The following PDZD2 variants were observed in gnomAD, a reference collection of about 807,000 sequenced individuals.
The protein encoded by PDZD2 is PDZ domain-containing protein 2.
In PDZD2, 90 loss-of-function variants were observed where a neutral mutation model predicts 220.7. The ratio of observed to expected loss-of-function variants is 0.41; its 90% CI spans 0.34 to 0.49. The LOEUF (loss-of-function observed/expected upper bound fraction) is 0.49. Among genes scored for constraint, PDZD2 ranks in the 20% least tolerant of loss-of-function variants. The pLI is 0.28. For synonymous variants in PDZD2, 1,375 were observed against 1,450.5 expected (o/e 0.95, Z 1.18); for missense variants, 3,174 against 3,608.5 (o/e 0.88, Z 3.08).
chr5:31,806,026 G>A (rs554257260), intron 2 of PDZD2, among the ~76,000 whole-genome samples: 53 of 152,236 alleles, frequency 3.5e-4, no homozygotes, highest in African/African-American at 1.1e-3. Context: ...CTCTAAAACC[G>A]TGACACAGTA....
At chr5:32,097,241 C>T in intron 21 of PDZD2, 38 bp from the exon 22 acceptor site, 1 of 1,336,852 alleles carries the variant, frequency 7.5e-7, no homozygotes, top group African/African-American at 1.4e-5. Flanking sequence ...TTTTTTGCAG[C>T]TGTAGCTCAA....
intron 1 of PDZD2, among the ~76,000 whole-genome samples, chr5:31,798,201 G>A (rs1191996529): frequency 2.0e-5 from 3 of 152,182 alleles, no homozygotes; most frequent in African/African-American, 7.2e-5. Flanking sequence ...CCAGGCATTT[G>A]GAGAAACATT....
chr5:32,052,481 A>T, intron 8 of PDZD2, 130 bp from the exon 9 acceptor site: 1 of 871,774 alleles, frequency 1.1e-6, no homozygotes, highest in Non-Finnish European at 1.9e-6. Context: ...TTTTTAAGTC[A>T]CTGAACCAGA....
At chr5:31,921,929 A>T (rs1187192016) in intron 2 of PDZD2, among the ~76,000 whole-genome samples, 4 of 152,192 alleles carry the variant, frequency 2.6e-5, no homozygotes, top group African/African-American at 9.7e-5. Flanking sequence ...GAAGTTCCAC[A>T]CTTTGGCTGT....
intron 1 of PDZD2, among the ~76,000 whole-genome samples, chr5:31,793,767 A>T (rs558496281): frequency 6.6e-6 from 1 of 152,234 alleles, no homozygotes; most frequent in Non-Finnish European, 1.5e-5. Flanking sequence ...AGATCGCGCC[A>T]TTGCACTCCA....
intron 7 of PDZD2, among the ~76,000 whole-genome samples, chr5:32,042,407 CAA>C (rs546222216): frequency 2.1e-4 from 20 of 95,402 alleles, no homozygotes; most frequent in Admixed American, 2.3e-4. Flanking sequence ...ACTAAAAATA[CAA>C]AAAAAAAAAA....
At chr5:31,942,809 G>A (rs1028180830) in intron 2 of PDZD2, among the ~76,000 whole-genome samples, 2 of 152,192 alleles carry the variant, frequency 1.3e-5, no homozygotes, top group Non-Finnish European at 2.9e-5. Flanking sequence ...CCCCAAGGTT[G>A]ATGTGCTCAG....
chr5:31,821,387 AT>A (rs11388695), intron 2 of PDZD2, among the ~76,000 whole-genome samples: 1,090 of 92,520 alleles, frequency 0.012, 9 homozygotes, highest in African/African-American at 0.04. Flanking sequence ...TATTATTATT[AT>A]TTTTTTTTTT....
intron 1 of PDZD2, among the ~76,000 whole-genome samples, chr5:31,739,678 G>T (rs1178080206): frequency 6.6e-6 from 1 of 152,206 alleles, no homozygotes; most frequent in African/African-American, 2.4e-5. Flanking sequence ...AGAGCTGAAG[G>T]TCTTGGATAT....
intron 2 of PDZD2, among the ~76,000 whole-genome samples, chr5:31,950,553 C>A: frequency 6.6e-6 from 1 of 152,120 alleles, no homozygotes; most frequent in Admixed American, 6.5e-5. Context: ...GTTTACTCTT[C>A]ATCATGATAA....
rs1745548185 is a variant in PDZD2, at chr5:31,656,278, C to T, written c.-361+16841C>T. On this transcript the variant is annotated intron_variant, in intron 1 of 24. Transcript: ENST00000438447. ...CCATCTCTGAATGCCCAGGGAAAGTCTCATTCCCTTTGAAAAGCCTTCCCC... is the reference window on the plus strand; with the variant it reads ...CCATCTCTGAATGCCCAGGGAAAGTTTCATTCCCTTTGAAAAGCCTTCCCC... Among the ~76,000 whole-genome samples the T allele has an allele frequency of 2.0e-5, 3 of 152,214 alleles. No individual in the cohort carries two copies. The South Asian group carries it at 6.2e-4, about 32-fold the overall frequency.
Position 32,098,553 on chromosome 5 carries a change from C to T in PDZD2, c.8137C>T (p.Pro2713Ser), listed in dbSNP as rs752188039. The T allele has an allele frequency of 6.2e-7, 1 of 1,614,080 alleles. No homozygotes were observed. The highest frequency in any genetic ancestry group is 1.7e-5 in the Admixed American group (1 of 60,016). Residue 2713 changes from proline to serine, a missense_variant, in exon 23 of 25, where the codon CCC (proline) becomes TCC (serine). Pro to Ser is a moderately conservative substitution (Grantham distance 74). This residue lies in a region of PDZD2 where 631 missense variants were observed against 789.9 expected (regional missense o/e 0.80). Coordinates refer to ENST00000438447, the MANE Select transcript of PDZD2 (RefSeq NM_178140.4). This position sits in a 1 kb window ranked among gnomAD's most constrained non-coding sequence, Gnocchi z 4.1. ...VIKKGMDQPRPSARQEPPTAN... is the reference protein window; with the variant it reads ...VIKKGMDQPRSSARQEPPTAN... ...CAAGAAAGGGATGGATCAGCCCAGG[C>T]CCTCTGCCCGGCAGGAGCCTCCCAC...
At chr5:31,937,100 C>T (rs1016140637) in intron 2 of PDZD2, among the ~76,000 whole-genome samples, 7 of 152,096 alleles carry the variant, frequency 4.6e-5, no homozygotes, top group Admixed American at 2.0e-4. Flanking sequence ...TGATTGTAGC[C>T]GAGTCTCAGG....
At chr5:32,021,306 C>A (rs1371242651) in intron 6 of PDZD2, among the ~76,000 whole-genome samples, 2 of 151,778 alleles carry the variant, frequency 1.3e-5, no homozygotes, top group African/African-American at 4.8e-5. Flanking sequence ...GCTCTGTCAC[C>A]CAGGCTGGAG....
At chr5:31,701,743 G>A (rs374713791) in intron 1 of PDZD2, among the ~76,000 whole-genome samples, 1 of 152,116 alleles carries the variant, frequency 6.6e-6, no homozygotes, top group African/African-American at 2.4e-5. Flanking sequence ...TCTCACATTC[G>A]GAAACCATGG....
chr5:31,747,318 G>A (rs1049529152), intron 1 of PDZD2, among the ~76,000 whole-genome samples: 3 of 152,180 alleles, frequency 2.0e-5, no homozygotes, highest in Admixed American at 2.0e-4. Context: ...TGGACAAAGG[G>A]GGTATGATCT....
intron 2 of PDZD2, among the ~76,000 whole-genome samples, chr5:31,868,359 C>T (rs778365579): frequency 2.6e-5 from 4 of 152,224 alleles, no homozygotes; most frequent in East Asian, 3.9e-4. Flanking sequence ...GCAGGAGAAT[C>T]GCTTGGGCCT....
At chr5:31,936,189 A>G (rs1169361763) in intron 2 of PDZD2, 7 of 987,742 alleles carry the variant, frequency 7.1e-6, no homozygotes, top group African/African-American at 1.7e-5. Flanking sequence ...TGGAGCACGC[A>G]TGGCGCAGCT....
At chr5:31,749,231 G>A (rs759538608) in intron 1 of PDZD2, among the ~76,000 whole-genome samples, 2 of 152,150 alleles carry the variant, frequency 1.3e-5, no homozygotes, top group African/African-American at 2.4e-5. Flanking sequence ...TTTCACCTGT[G>A]CATCTTTTGC....
Sources: gnomAD v4.1 joint callset for allele counts (sites outside exome capture counted in the v4.1 genomes callset) on GRCh38, gnomAD v4.1.1 for gene constraint, gnomAD v4.1.1 regional missense constraint, Gnocchi (gnomAD v3.1) non-coding constraint, MANE v1.5 for transcripts, NCBI Gene and HGNC (gene_info 2026-07-23, HGNC 2026-07-21) for gene names.